Variants in RNF144A observed in about 807,000 individuals in gnomAD.
The protein encoded by RNF144A is E3 ubiquitin-protein ligase RNF144A.
RNF144A carries 11 observed loss-of-function variants against 38.7 expected under a neutral mutation model. The observed-to-expected ratio is 0.28, with a 90% confidence interval of 0.18 to 0.47. RNF144A has a LOEUF of 0.47. Ranked by LOEUF, RNF144A falls within the 20% of genes least tolerant of loss-of-function variation. The pLI is 0.99. For missense variants in RNF144A, 316 were observed against 377.2 expected (o/e 0.84, Z 1.34); for synonymous variants, 149 against 143.9 (o/e 1.04, Z -0.25).
intron 2 of RNF144A, among the ~76,000 whole-genome samples, chr2:6,957,490 T>C (rs1284989772): frequency 1.3e-5 from 2 of 152,190 alleles, no homozygotes; most frequent in African/African-American, 4.8e-5. Flanking sequence ...GGGAAACTGG[T>C]CTACCTGATG....
chr2:6,975,317 T>G (rs989406396), intron 2 of RNF144A, among the ~76,000 whole-genome samples: 6 of 152,140 alleles, frequency 3.9e-5, no homozygotes, highest in African/African-American at 1.4e-4. Context: ...ACCCCCATGC[T>G]TCCCACCGGG....
At chr2:7,007,876 G>C (rs190783974) in intron 3 of RNF144A, among the ~76,000 whole-genome samples, 27 of 152,366 alleles carry the variant, frequency 1.8e-4, no homozygotes, top group Admixed American at 1.8e-3. Flanking sequence ...CTTGCAGCTT[G>C]TTTGGAAGCT....
At chr2:7,023,207 C>T (rs140765272) in intron 6 of RNF144A, among the ~76,000 whole-genome samples, 102 of 152,238 alleles carry the variant, frequency 6.7e-4, no homozygotes, top group African/African-American at 2.2e-3. Context: ...ACTCTGTTGC[C>T]TTCTACTAAT....
chr2:6,972,378 C>T (rs1668049175), intron 2 of RNF144A, among the ~76,000 whole-genome samples: 1 of 152,220 alleles, frequency 6.6e-6, no homozygotes, highest in Non-Finnish European at 1.5e-5. Flanking sequence ...CTTATGCTAA[C>T]CCCCACTTAC....
At position 6,943,734 on chromosome 2, in the gene RNF144A, G is replaced by A. The variant is rs1558370916; in HGVS notation, c.-12+2587G>A. ...GATACATGCGTGGGTGGTGCTCGGAGGAGGAGGCTCTGCAGTTCTCTTCTG... is the reference window on the plus strand; with the variant it reads ...GATACATGCGTGGGTGGTGCTCGGAAGAGGAGGCTCTGCAGTTCTCTTCTG... On this transcript the variant is annotated intron_variant, in intron 2 of 8. Coordinates refer to ENST00000320892, the MANE Select transcript of RNF144A (RefSeq NM_014746.6). This position sits in a 1 kb window ranked among gnomAD's most constrained non-coding sequence, Gnocchi z 4.3. Among the ~76,000 whole-genome samples the A allele has an allele frequency of 6.6e-6, 1 of 152,160 alleles. No homozygotes were observed. Among genetic ancestry groups the A allele is most frequent in the Non-Finnish European group, 1.5e-5 (1 of 68,034 alleles).
At chr2:7,036,213 TA>T (rs200102827) in intron 8 of RNF144A, among the ~76,000 whole-genome samples, 277 of 152,278 alleles carry the variant, frequency 1.8e-3, no homozygotes, top group African/African-American at 6.4e-3. Context: ...TTCTCTAGAG[TA>T]ACCTTACTTC....
At chr2:6,992,442 G>A (rs1669457872) in intron 2 of RNF144A, among the ~76,000 whole-genome samples, 1 of 152,194 alleles carries the variant, frequency 6.6e-6, no homozygotes, top group Non-Finnish European at 1.5e-5. Context: ...AGAAATCAGA[G>A]GAGACATCAC....
chr2:7,038,475 C>T (rs1481795918), intron 8 of RNF144A, among the ~76,000 whole-genome samples: 1 of 152,166 alleles, frequency 6.6e-6, no homozygotes, highest in South Asian at 2.1e-4. Flanking sequence ...AAGATGTATG[C>T]ACCTCTGTAT....
intron 5 of RNF144A, among the ~76,000 whole-genome samples, chr2:7,018,924 T>A (rs1182672077): frequency 1.3e-5 from 2 of 150,854 alleles, no homozygotes; most frequent in Non-Finnish European, 2.9e-5. Flanking sequence ...CCAGATGAGA[T>A]CAAGGGTCAG....
At chr2:7,020,186 G>A (rs1191313270) in intron 5 of RNF144A, among the ~76,000 whole-genome samples, 1 of 152,200 alleles carries the variant, frequency 6.6e-6, no homozygotes, top group African/African-American at 2.4e-5. Flanking sequence ...TCAGAGGCAA[G>A]CAGGGCTGAC....
At chr2:6,922,539 T>G (rs1029848997) in intron 1 of RNF144A, among the ~76,000 whole-genome samples, 1 of 152,048 alleles carries the variant, frequency 6.6e-6, no homozygotes, top group African/African-American at 2.4e-5. Flanking sequence ...TAAGGTCCTC[T>G]GGAGGGCAGA....
chr2:7,030,977 G>A (rs1034894588), intron 8 of RNF144A, among the ~76,000 whole-genome samples: 4 of 152,050 alleles, frequency 2.6e-5, no homozygotes, highest in African/African-American at 4.8e-5. Flanking sequence ...AACAGGGTTC[G>A]TGCTCCTACG....
At chr2:6,994,831 C>A (rs948048008) in intron 2 of RNF144A, among the ~76,000 whole-genome samples, 2 of 152,230 alleles carry the variant, frequency 1.3e-5, no homozygotes, top group African/African-American at 4.8e-5. Context: ...CCCACTCCCG[C>A]CCCAGACGCT....
At chr2:6,968,845 T>G (rs1315024584) in intron 2 of RNF144A, among the ~76,000 whole-genome samples, 2 of 152,120 alleles carry the variant, frequency 1.3e-5, no homozygotes, top group South Asian at 2.1e-4. Flanking sequence ...GCCCACGGTG[T>G]TCTCAGGTGT....
chr2:6,996,172 A>C (rs1434616261), intron 2 of RNF144A, among the ~76,000 whole-genome samples: 1 of 152,132 alleles, frequency 6.6e-6, no homozygotes, highest in African/African-American at 2.4e-5. Flanking sequence ...CTGAAAACTC[A>C]AGCCTCACCA....
At chr2:6,986,449 C>T (rs1236284025) in intron 2 of RNF144A, among the ~76,000 whole-genome samples, 1 of 152,116 alleles carries the variant, frequency 6.6e-6, no homozygotes, top group Non-Finnish European at 1.5e-5. Context: ...GGCCTGCCCC[C>T]TTGTTGAGCT....
At chr2:6,990,894 T>C (rs551858490) in intron 2 of RNF144A, among the ~76,000 whole-genome samples, 2 of 152,332 alleles carry the variant, frequency 1.3e-5, no homozygotes, top group South Asian at 4.1e-4. Context: ...ATTGTCCTTA[T>C]AGTTTTGTCT....
At chr2:7,063,463 A>G (rs1007417258) in intron 6 of RNF144A, among the ~76,000 whole-genome samples, 2 of 152,152 alleles carry the variant, frequency 1.3e-5, no homozygotes, top group Non-Finnish European at 2.9e-5. Context: ...GGAAATGTCC[A>G]AAGATCAGGT....
intron 6 of RNF144A, among the ~76,000 whole-genome samples, chr2:7,057,599 T>A (rs1481107926): frequency 1.3e-5 from 2 of 152,194 alleles, no homozygotes; most frequent in Non-Finnish European, 2.9e-5. Context: ...TTGGATGGTA[T>A]AAGAATAATA....
Sources: gnomAD v4.1 joint callset for allele counts (sites outside exome capture counted in the v4.1 genomes callset) on GRCh38, gnomAD v4.1.1 for gene constraint, Gnocchi (gnomAD v3.1) non-coding constraint, MANE v1.5 for transcripts, NCBI Gene and HGNC (gene_info 2026-07-23, HGNC 2026-07-21) for gene names.